GABRA3: variants seen among roughly 807,000 people sequenced by gnomAD.
GABRA3 encodes gamma-aminobutyric acid receptor subunit alpha-3.
Under a neutral mutation model 30.1 loss-of-function variants are expected in GABRA3, and 10 were observed. That is an observed-to-expected ratio of 0.33 (90% CI 0.20 to 0.56). The LOEUF is 0.56. GABRA3 is among the 20% of genes least tolerant of loss of function. The pLI is 0.89. For synonymous variants in GABRA3, 151 were observed against 146.8 expected (o/e 1.03, Z -0.21); for missense variants, 233 against 392.0 (o/e 0.59, Z 3.42).
intron 1 of GABRA3, among the ~76,000 whole-genome samples, chrX:152,403,501 A>G (rs753335461): frequency 1.8e-5 from 2 of 110,821 alleles, no homozygotes; most frequent in South Asian, 7.8e-4. Flanking sequence ...ATCCACCAAG[A>G]AAATCTAGAA....
At chrX:152,294,856 CTT>C (rs1405118767) in intron 3 of GABRA3, among the ~76,000 whole-genome samples, 1 of 111,035 alleles carries the variant, frequency 9.0e-6, no homozygotes, top group African/African-American at 3.3e-5. Context: ...ATTCCTTTCT[CTT>C]TGTTAGTTTT....
intron 1 of GABRA3, among the ~76,000 whole-genome samples, chrX:152,403,232 G>T (rs1236375919): frequency 9.0e-6 from 1 of 111,146 alleles, no homozygotes; most frequent in Admixed American, 9.6e-5. Context: ...GTGTTAGTTT[G>T]CAATGGAATA....
intron 6 of GABRA3, among the ~76,000 whole-genome samples, chrX:152,218,783 C>CA (rs1391269575): frequency 9.0e-6 from 1 of 111,322 alleles, no homozygotes; most frequent in African/African-American, 3.3e-5. Context: ...GAGAACTAAT[C>CA]ATTTTTCTTG....
intron 4 of GABRA3, 50 bp from the exon 5 acceptor site, chrX:152,256,048 G>A: frequency 1.1e-6 from 1 of 911,723 alleles, no homozygotes; most frequent in Middle Eastern, 2.7e-4. Flanking sequence ...TCTGGTAAGG[G>A]CTCATAGTGC....
At chrX:152,262,492 C>T (rs1448646951) in intron 4 of GABRA3, among the ~76,000 whole-genome samples, 3 of 111,940 alleles carry the variant, frequency 2.7e-5, no homozygotes, top group Non-Finnish European at 5.6e-5. Context: ...TTCCACAGAT[C>T]GCTAGGGCAG....
intron 5 of GABRA3, among the ~76,000 whole-genome samples, chrX:152,234,354 T>G (rs1938154211): frequency 9.0e-6 from 1 of 111,442 alleles, no homozygotes; most frequent in South Asian, 3.8e-4. Context: ...AAGCTCCTTA[T>G]AGATTCTGGA....
At chrX:152,253,498 C>T (rs952069753) in intron 5 of GABRA3, among the ~76,000 whole-genome samples, 6 of 111,574 alleles carry the variant, frequency 5.4e-5, no homozygotes, top group Non-Finnish European at 5.7e-5. Flanking sequence ...ATACCTACTA[C>T]CTTCACAACT....
chrX:152,198,284 A>C (rs1603206499), intron 7 of GABRA3, among the ~76,000 whole-genome samples: 1 of 112,018 alleles, frequency 8.9e-6, no homozygotes, highest in South Asian at 3.7e-4. Flanking sequence ...GGTTGTCCAC[A>C]GTTTATGCTT....
chrX:152,384,925 A>T (rs1929257745), intron 1 of GABRA3, among the ~76,000 whole-genome samples: 1 of 111,988 alleles, frequency 8.9e-6, no homozygotes, highest in Admixed American at 9.5e-5. Flanking sequence ...CAATAGAAAA[A>T]TGGACAAAAG....
intron 3 of GABRA3, among the ~76,000 whole-genome samples, chrX:152,292,384 G>A (rs1415718893): frequency 9.0e-6 from 1 of 111,640 alleles, no homozygotes; most frequent in East Asian, 2.8e-4. Context: ...TGTGGGATCG[G>A]TGGTGATATC....
At chrX:152,300,176 G>C (rs1165824853) in intron 3 of GABRA3, among the ~76,000 whole-genome samples, 4 of 112,435 alleles carry the variant, frequency 3.6e-5, no homozygotes, top group Non-Finnish European at 7.5e-5. Context: ...TCCCTGAGTA[G>C]TACAAGTATG....
At chrX:152,433,939 T>C (rs1174483569) in intron 1 of GABRA3, among the ~76,000 whole-genome samples, 1 of 111,869 alleles carries the variant, frequency 8.9e-6, no homozygotes, top group African/African-American at 3.2e-5. Flanking sequence ...GGCAGAATAT[T>C]TGCAAGACAT....
At chrX:152,173,605 GC>G (rs1316277770) in intron 9 of GABRA3, among the ~76,000 whole-genome samples, 2 of 109,005 alleles carry the variant, frequency 1.8e-5, no homozygotes, top group Non-Finnish European at 1.9e-5. Flanking sequence ...TGCCACCGCT[GC>G]CCCCCTCCCC....
intron 1 of GABRA3, chrX:152,394,631 C>A: frequency 7.4e-6 from 2 of 271,116 alleles, no homozygotes; most frequent in East Asian, 1.0e-4. Flanking sequence ...ATTCCCAGTA[C>A]AAGTAGACAA....
intron 1 of GABRA3, among the ~76,000 whole-genome samples, chrX:152,443,652 G>GAT (rs1043276210): frequency 1.8e-5 from 2 of 111,537 alleles, no homozygotes; most frequent in African/African-American, 6.5e-5. Flanking sequence ...TCTATCAGGT[G>GAT]ATGACACAAA....
intron 9 of GABRA3, among the ~76,000 whole-genome samples, chrX:152,184,227 G>A (rs1214201724): frequency 1.8e-5 from 2 of 111,085 alleles, no homozygotes; most frequent in Non-Finnish European, 3.8e-5. Context: ...TCCCCTCAAG[G>A]TGAGGTGTTC....
In GABRA3 at chrX:152,228,707, C is replaced by A. The variant is rs774377545; in HGVS notation, c.552-3862G>T. Among the ~76,000 whole-genome samples the A allele has an allele frequency of 3.6e-3, 401 of 111,467 alleles. 4 individuals are homozygous for A. The highest frequency in any genetic ancestry group is 5.2e-3 in the Admixed American group (54 of 10,449). Reference sequence around the variant, plus strand: ...CCTTTTATGCCTTAAGAATAAAAGTCAGATTGGTGGAGCATTGCAGGCTAG... The same window carrying A: ...CCTTTTATGCCTTAAGAATAAAAGTAAGATTGGTGGAGCATTGCAGGCTAG... On this transcript the variant is annotated intron_variant, in intron 5 of 9. Transcript: ENST00000370314.
At chrX:152,200,454 AT>A (rs1937468047) in intron 7 of GABRA3, among the ~76,000 whole-genome samples, 1 of 112,246 alleles carries the variant, frequency 8.9e-6, no homozygotes, top group Non-Finnish European at 1.9e-5. Context: ...CAAATTGAAA[AT>A]TACAACTTTG....
At chrX:152,327,381 AAATC>A (rs1368418448) in intron 3 of GABRA3, among the ~76,000 whole-genome samples, 1 of 111,782 alleles carries the variant, frequency 8.9e-6, no homozygotes, top group Non-Finnish European at 1.9e-5. Flanking sequence ...TCTCCACCCC[AAATC>A]AACAGAATAT....
Sources: allele counts gnomAD v4.1 joint callset (sites outside exome capture counted in the v4.1 genomes callset), GRCh38; gene constraint gnomAD v4.1.1; transcripts MANE v1.5; gene names NCBI Gene and HGNC (gene_info 2026-07-23, HGNC 2026-07-21).